The following USP31 variants were observed in gnomAD, a reference collection of about 807,000 sequenced individuals.
USP31 encodes the protein ubiquitin specific peptidase 31, also known as ubiquitin carboxyl-terminal hydrolase 31.
In USP31, 44 loss-of-function variants were observed where a neutral mutation model predicts 119.4. The ratio of observed to expected loss-of-function variants is 0.37; its 90% confidence interval spans 0.29 to 0.47. USP31 has a LOEUF of 0.47. USP31 is among the 20% of genes least tolerant of loss of function. The pLI is 0.99. For synonymous variants in USP31, 749 were observed against 705.6 expected, an observed-to-expected ratio of 1.06 and a Z score of -0.97; for missense variants, 1,643 against 1,730.2, an observed-to-expected ratio of 0.95 and a Z score of 0.89.
At chr16:23,125,397 C>T (rs1020953622) in intron 1 of USP31, among the ~76,000 whole-genome samples, 1 of 152,138 alleles carries the variant, frequency 6.6e-6, no homozygotes, top group Non-Finnish European at 1.5e-5. Context: ...TGACAGAATC[C>T]GGGAAGGGGT....
chr16:23,090,861 G>A lies in USP31; in HGVS notation c.1235-57C>T, dbSNP rs141953977. The A allele has an allele frequency of 9.2e-4, 1,257 of 1,373,078 alleles. 12 individuals are homozygous for A. The East Asian group carries it at 0.019, about 21-fold the overall frequency. The allele number at this position is 1,373,078 out of a possible 1,614,324, so 85.1% of individuals were successfully genotyped here. A position where few individuals can be genotyped will look rare whatever the true frequency, so the allele number is the denominator to read the frequency against. Reference sequence around the variant, plus strand: ...TCTTCAAAATTATTTTTATTCACTCGTTATGAAGAAATTTACCCAACAGAG... The same window carrying A: ...TCTTCAAAATTATTTTTATTCACTCATTATGAAGAAATTTACCCAACAGAG... On this transcript the variant is annotated intron_variant, in intron 6 of 15. Coordinates refer to ENST00000219689, the MANE Select transcript of USP31 (RefSeq NM_020718.4).
intron 6 of USP31, among the ~76,000 whole-genome samples, chr16:23,099,982 C>A (rs1901778220): frequency 6.6e-6 from 1 of 152,174 alleles, no homozygotes; most frequent in Non-Finnish European, 1.5e-5. Context: ...TGAGATACCA[C>A]TTCATACCCA....
intron 6 of USP31, among the ~76,000 whole-genome samples, chr16:23,100,501 G>A (rs1901802426): frequency 6.6e-6 from 1 of 152,172 alleles, no homozygotes; most frequent in African/African-American, 2.4e-5. Context: ...GGCCGGGTGT[G>A]GTGGCTCATG....
At chr16:23,127,760 G>A (rs555372335) in intron 1 of USP31, among the ~76,000 whole-genome samples, 75 of 151,706 alleles carry the variant, frequency 4.9e-4, no homozygotes, top group Middle Eastern at 3.4e-3. Flanking sequence ...TTACAGGCGT[G>A]AGCCAACGCG....
chr16:23,130,686 CATG>C (rs35043427), intron 1 of USP31, among the ~76,000 whole-genome samples: 41,278 of 151,888 alleles, frequency 0.27, 6,004 homozygotes, highest in Admixed American at 0.35. Context: ...CCAGAAATTA[CATG>C]ATATCCTAGG....
At chr16:23,075,544 G>A (rs192558354) in intron 13 of USP31, among the ~76,000 whole-genome samples, 4 of 152,240 alleles carry the variant, frequency 2.6e-5, no homozygotes, top group Admixed American at 6.5e-5. Context: ...GAGCCCACAC[G>A]AGAGAAGCAC....
At position 23,149,015 on chromosome 16, in the gene USP31, C is replaced by T; in HGVS notation, c.256G>A (p.Asp86Asn). Reference sequence around the variant, plus strand: ...AAGCAGCTGCGGAGGCCGCCGCGGTCTGGGGCGGCGCCCTCAGAGCTAAGG... The same window carrying T: ...AAGCAGCTGCGGAGGCCGCCGCGGTTTGGGGCGGCGCCCTCAGAGCTAAGG... ...SHLSSEGAAP[D>N]RGGLRSCFPP... is the part of the protein sequence containing the mutation. Residue 86 changes from aspartate to asparagine, a missense_variant, in exon 1 of 16, where the codon GAC becomes AAC. By Grantham distance (23) the Asp-to-Asn change is conservative (BLOSUM62 1). This residue lies in a region of USP31 where 302 missense variants were observed against 262.6 expected (regional missense o/e 1.15). Transcript: ENST00000219689. 8.7e-7 allele frequency: 1 copy of T among 1,149,466 alleles called. No individual in the cohort carries two copies. Among genetic ancestry groups the T allele is most frequent in the Non-Finnish European group, 1.1e-6 (1 of 917,770 alleles). The allele number at this position is 1,149,466 out of a possible 1,614,324, so 71.2% of individuals were successfully genotyped here.
At chr16:23,097,908 G>A (rs1294990669) in intron 6 of USP31, among the ~76,000 whole-genome samples, 1 of 151,878 alleles carries the variant, frequency 6.6e-6, no homozygotes, top group Non-Finnish European at 1.5e-5. Context: ...TTTGAAAACT[G>A]GCACAAGACA....
intron 10 of USP31, 73 bp downstream of exon 10, chr16:23,085,512 C>T (rs1901068699): frequency 2.3e-6 from 3 of 1,319,508 alleles, no homozygotes; most frequent in East Asian, 4.6e-5. Flanking sequence ...GCTCATTTAA[C>T]ATATCAAAGG....
Position 23,063,652 on chromosome 16 carries a change from G to T in USP31, c.*4394C>A, listed in dbSNP as rs1214950065. 5 of 151,872 alleles carry T rather than the reference G, an allele frequency of 3.3e-5. No individual in the cohort carries two copies. Among genetic ancestry groups the T allele is most frequent in the Admixed American group, 3.3e-4 (5 of 15,214 alleles). The allele number at this position is 151,872 out of a possible 1,614,324, so 9.4% of individuals were successfully genotyped here. A position where few individuals can be genotyped will look rare whatever the true frequency, so the allele number is the denominator to read the frequency against. On this transcript the variant is annotated 3_prime_UTR_variant, in exon 16 of 16. Transcript: ENST00000219689. ...TATATGCAGAGCAAAACAAGAAATC[G>T]CATTCATGCTCTTCTACACAATGAT...
chr16:23,149,439 G>C lies in USP31; in HGVS notation c.-169C>G, dbSNP rs889539383. 2.0e-5 allele frequency among the ~76,000 whole-genome samples: 3 copies of C among 148,498 alleles called. No individual in the cohort carries two copies. Among genetic ancestry groups the C allele is most frequent in the African/African-American group, 7.3e-5 (3 of 41,084 alleles). Reference sequence around the variant, plus strand: ...GAGCGAGCGGCGGCCGGCGGGGCCAGCGGGCGCGCGCGCGGTCCGCCCAGC... The same window carrying C: ...GAGCGAGCGGCGGCCGGCGGGGCCACCGGGCGCGCGCGCGGTCCGCCCAGC... On this transcript the variant is annotated 5_prime_UTR_variant, in exon 1 of 16. Transcript: ENST00000219689.
At chr16:23,106,658 G>A (rs1902120369) in intron 2 of USP31, among the ~76,000 whole-genome samples, 171 bp from the exon 3 acceptor site, 1 of 152,100 alleles carries the variant, frequency 6.6e-6, no homozygotes, top group Non-Finnish European at 1.5e-5. Context: ...AGTAGGATGT[G>A]GGTCACGTGG....
At chr16:23,142,558 G>A (rs1014061465) in intron 1 of USP31, among the ~76,000 whole-genome samples, 1 of 152,100 alleles carries the variant, frequency 6.6e-6, no homozygotes, top group Non-Finnish European at 1.5e-5. Flanking sequence ...GCAGTGCAGG[G>A]GTACACAGAG....
At chr16:23,106,347 C>G in intron 3 of USP31, 42 bp from the exon 4 acceptor site, 1 of 1,613,408 alleles carries the variant, frequency 6.2e-7, no homozygotes, top group South Asian at 1.1e-5. Context: ...TAAAATCACC[C>G]AGAACGATGT....
At chr16:23,134,689 A>G (rs1390565389) in intron 1 of USP31, among the ~76,000 whole-genome samples, 2 of 151,346 alleles carry the variant, frequency 1.3e-5, no homozygotes, top group Non-Finnish European at 3.0e-5. Flanking sequence ...AAAAAAAAAA[A>G]AGAAAGAAAG....
intron 7 of USP31, among the ~76,000 whole-genome samples, chr16:23,089,149 A>G (rs1274592047): frequency 6.6e-6 from 1 of 152,162 alleles, no homozygotes; most frequent in Non-Finnish European, 1.5e-5. Flanking sequence ...TGCCTGACAC[A>G]CACCAAGCTC....
intron 7 of USP31, among the ~76,000 whole-genome samples, chr16:23,089,676 G>C (rs909159001): frequency 5.3e-5 from 8 of 152,162 alleles, no homozygotes; most frequent in Non-Finnish European, 7.4e-5. Flanking sequence ...AAACATATCT[G>C]TCTCTTGTTA....
chr16:23,114,427 C>T (rs1223422383), intron 1 of USP31, among the ~76,000 whole-genome samples: 3 of 147,178 alleles, frequency 2.0e-5, no homozygotes, highest in Non-Finnish European at 3.0e-5. Context: ...TCTCTCTTAA[C>T]TGACTCCCAA....
At chr16:23,078,412 G>A (rs1167789729) in intron 13 of USP31, among the ~76,000 whole-genome samples, 1 of 151,862 alleles carries the variant, frequency 6.6e-6, no homozygotes, top group Non-Finnish European at 1.5e-5. Flanking sequence ...CAGAAGGCAT[G>A]CGCCACTCAC....
Sources: allele counts gnomAD v4.1 joint callset (sites outside exome capture counted in the v4.1 genomes callset), GRCh38; gene constraint gnomAD v4.1.1; regional missense constraint gnomAD v4.1.1; transcripts MANE v1.5; gene names NCBI Gene and HGNC (gene_info 2026-07-23, HGNC 2026-07-21).